Variants in PLPPR5 observed in about 807,000 individuals in gnomAD.
The protein encoded by PLPPR5 is phospholipid phosphatase related 5.
PLPPR5 carries 16 observed loss-of-function variants against 33.9 expected under a neutral mutation model. The observed-to-expected ratio is 0.47, with a 90% CI of 0.32 to 0.72. PLPPR5 has a LOEUF of 0.72. Among genes scored for constraint, PLPPR5 ranks in the 30% least tolerant of loss-of-function variants. PLPPR5 has a pLI of 0.03. For missense variants in PLPPR5, 301 were observed against 406.7 expected (o/e 0.74, Z 2.23); for synonymous variants, 163 against 150.3 (o/e 1.08, Z -0.62).
intron 5 of PLPPR5, among the ~76,000 whole-genome samples, chr1:98,894,800 G>A (rs1232325038): frequency 1.3e-5 from 2 of 152,026 alleles, no homozygotes; most frequent in African/African-American, 4.8e-5. Flanking sequence ...ACCTGGAAGG[G>A]AGAATTAAAT....
upstream of PLPPR5, among the ~76,000 whole-genome samples, chr1:99,005,246 G>T (rs1653043932): frequency 6.6e-6 from 1 of 152,126 alleles, no homozygotes; most frequent in Admixed American, 6.5e-5. Context: ...TAAGAAACCC[G>T]CACAACGCCT....
At chr1:98,910,895 T>G (rs935759357) in intron 5 of PLPPR5, among the ~76,000 whole-genome samples, 8 of 151,834 alleles carry the variant, frequency 5.3e-5, no homozygotes, top group African/African-American at 9.7e-5. Flanking sequence ...AGTGTTTTTT[T>G]TTTTTTTTTT....
intron 3 of PLPPR5, among the ~76,000 whole-genome samples, chr1:98,941,465 G>A (rs1205263847): frequency 6.6e-6 from 1 of 151,624 alleles, no homozygotes; most frequent in Non-Finnish European, 1.5e-5. Context: ...GGTTTATAAG[G>A]TGAGAAAGTG....
chr1:98,941,973 G>A (rs1049213909), intron 3 of PLPPR5, among the ~76,000 whole-genome samples: 2 of 140,928 alleles, frequency 1.4e-5, no homozygotes, highest in South Asian at 4.6e-4. Context: ...TGCAATTACA[G>A]ATACATATAT....
Position 98,914,688 on chromosome 1 carries a change from A to G in PLPPR5, c.933+98T>C, listed in dbSNP as rs111474718. Reference sequence around the variant, plus strand: ...CTAAATATCACATTACACTAAGTAAATCAACATAAACTGTGTGGACATGCT... The same window carrying G: ...CTAAATATCACATTACACTAAGTAAGTCAACATAAACTGTGTGGACATGCT... On this transcript the variant is annotated intron_variant, in intron 5 of 5. Coordinates refer to ENST00000263177, the MANE Select transcript of PLPPR5 (RefSeq NM_001037317.2). 3.8e-3 allele frequency: 4,217 copies of G among 1,103,412 alleles called. 118 individuals carry two copies. The African/African-American group carries it at 0.059, about 15-fold the overall frequency. The allele number at this position is 1,103,412 out of a possible 1,614,324, so 68.4% of individuals were successfully genotyped here.
rs148163708 is a variant in PLPPR5, at chr1:99,004,444, G to C, written c.228C>G (p.Pro76=). 6.2e-7 allele frequency: 1 copy of C among 1,604,610 alleles called. No individual in the cohort carries two copies. Among genetic ancestry groups the C allele is most frequent in the Non-Finnish European group, 8.5e-7 (1 of 1,175,372 alleles). The change falls in exon 1 of 6, where the codon CCC becomes CCG. Residue 76 remains proline, a synonymous_variant. Transcript: ENST00000263177. ...GCGCCCCCGGGCTTACCACGAGCAC[G>C]GGGACCCCGGCGGCCAGCGAGTAGA... The part of the protein sequence containing the change: ...VLLYSLAAGV[P]VLVIIVGETA...
intron 1 of PLPPR5, among the ~76,000 whole-genome samples, chr1:98,982,558 C>G (rs1298702479): frequency 6.6e-6 from 1 of 152,074 alleles, no homozygotes; most frequent in Non-Finnish European, 1.5e-5. Flanking sequence ...TTCTTCGGCC[C>G]TTTTCTTTCC....
At chr1:98,970,474 G>A (rs187525374) in intron 1 of PLPPR5, among the ~76,000 whole-genome samples, 1 of 151,906 alleles carries the variant, frequency 6.6e-6, no homozygotes, top group African/African-American at 2.4e-5. Context: ...TTAGAAATCA[G>A]ATTATTATTC....
chr1:98,976,375 A>G lies in PLPPR5; in HGVS notation c.238-19634T>C, dbSNP rs940354648. Among the ~76,000 whole-genome samples the G allele has an allele frequency of 3.9e-5, 6 of 152,240 alleles. No homozygotes were observed. In the East Asian group the frequency reaches 7.8e-4, roughly 20 times the overall value. ...GTTTTTACAAAAAGGTGATGTAAAA[A>G]TCATGTTTGAAACAGGTACTGTAAA... On this transcript the variant is annotated intron_variant, in intron 1 of 5. Transcript: ENST00000263177.
chr1:98,966,067 C>G (rs1184344440), intron 1 of PLPPR5, among the ~76,000 whole-genome samples: 1 of 152,172 alleles, frequency 6.6e-6, no homozygotes, highest in Non-Finnish European at 1.5e-5. Flanking sequence ...GCTAATTTCC[C>G]TGTTTTTAAA....
At chr1:98,966,810 A>G (rs1651465821) in intron 1 of PLPPR5, among the ~76,000 whole-genome samples, 2 of 152,112 alleles carry the variant, frequency 1.3e-5, no homozygotes, top group Admixed American at 1.3e-4. Flanking sequence ...GAGCTTATTA[A>G]CTCACTTTTC....
chr1:98,964,345 G>A (rs764128436), intron 1 of PLPPR5, among the ~76,000 whole-genome samples: 1 of 152,144 alleles, frequency 6.6e-6, no homozygotes, highest in Non-Finnish European at 1.5e-5. Flanking sequence ...GCTGTCTATA[G>A]AGGAGGAGAA....
chr1:98,928,572 T>TATATATATATATATATATATATATATA (rs1649849553), intron 3 of PLPPR5, among the ~76,000 whole-genome samples: 1 of 141,660 alleles, frequency 7.1e-6, no homozygotes. Flanking sequence ...TATATATATA[T>TATATATATATATATATATATATATATA]GGTTCACTTT....
chr1:98,979,254 C>T (rs1347264835), intron 1 of PLPPR5, among the ~76,000 whole-genome samples: 1 of 151,962 alleles, frequency 6.6e-6, no homozygotes, highest in Non-Finnish European at 1.5e-5. Context: ...GTTCTTTACT[C>T]ACTGCAAAGT....
intron 1 of PLPPR5, among the ~76,000 whole-genome samples, chr1:98,973,478 G>A (rs1651734550): frequency 6.6e-6 from 1 of 151,860 alleles, no homozygotes; most frequent in African/African-American, 2.4e-5. Flanking sequence ...TTGATCACAA[G>A]CAAAGCTAAA....
intron 1 of PLPPR5, among the ~76,000 whole-genome samples, chr1:98,977,185 A>G (rs1205348378): frequency 1.3e-5 from 2 of 152,038 alleles, no homozygotes; most frequent in African/African-American, 4.8e-5. Context: ...GCAACTGGGC[A>G]TACATTTGTG....
rs1375275434 is a variant in PLPPR5 at position 98,891,146 on chromosome 1, T to C, written c.*1926A>G. 1.3e-5 allele frequency: 2 copies of C among 152,150 alleles called. No individual in the cohort carries two copies. The highest frequency in any genetic ancestry group is 4.8e-5 in the African/African-American group (2 of 41,448). 9.4% of individuals were successfully genotyped at this position (152,150 alleles called of 1,614,324 possible). A position where few individuals can be genotyped will look rare whatever the true frequency, so the allele number is the denominator to read the frequency against. On this transcript the variant is annotated 3_prime_UTR_variant, in exon 6 of 6. Coordinates refer to ENST00000263177, the MANE Select transcript of PLPPR5 (RefSeq NM_001037317.2). ...AAAATCTTTAAAAAGGGTCAAGACA[T>C]TCAAAGTTTCTTCATGTTCTAAATT...
intron 1 of PLPPR5, among the ~76,000 whole-genome samples, chr1:98,992,681 T>C (rs962859136): frequency 5.9e-5 from 9 of 152,178 alleles, no homozygotes; most frequent in Admixed American, 3.3e-4. Context: ...CCCTGTCTTT[T>C]GCTACCTCTT....
At chr1:98,959,775 G>C (rs183599459) in intron 1 of PLPPR5, among the ~76,000 whole-genome samples, 1 of 152,290 alleles carries the variant, frequency 6.6e-6, no homozygotes. Flanking sequence ...GTTGAGATAA[G>C]GCATCTCCCT....
Sources: allele counts gnomAD v4.1 joint callset (sites outside exome capture counted in the v4.1 genomes callset), GRCh38; gene constraint gnomAD v4.1.1; transcripts MANE v1.5; gene names NCBI Gene and HGNC (gene_info 2026-07-23, HGNC 2026-07-21).